GRID1: variants seen among roughly 807,000 people sequenced by gnomAD.
GRID1 encodes the protein glutamate ionotropic receptor delta type subunit 1.
In GRID1, 28 loss-of-function variants were observed where a neutral mutation model predicts 98.0. The ratio of observed to expected loss-of-function variants is 0.29; its 90% CI spans 0.21 to 0.39. The LOEUF is 0.39. Ranked by LOEUF, GRID1 falls within the 10% of genes least tolerant of loss-of-function variation. GRID1 has a pLI of 1.00. For missense variants in GRID1, 1,111 were observed against 1,340.5 expected (o/e 0.83, Z 2.67); for synonymous variants, 553 against 538.5 (o/e 1.03, Z -0.37).
At chr10:86,221,667 A>G (rs2132029693) in intron 2 of GRID1, among the ~76,000 whole-genome samples, 1 of 152,256 alleles carries the variant, frequency 6.6e-6, no homozygotes, top group East Asian at 1.9e-4. Context: ...ACCCTCCAGG[A>G]ATGGCCCGCT....
At chr10:86,016,982 C>T (rs1392793076) in intron 4 of GRID1, among the ~76,000 whole-genome samples, 1 of 152,204 alleles carries the variant, frequency 6.6e-6, no homozygotes, top group African/African-American at 2.4e-5. Flanking sequence ...TTACTGAGTG[C>T]TGTTGTGTGC....
intron 3 of GRID1, among the ~76,000 whole-genome samples, chr10:86,142,690 C>T (rs1051079421): frequency 3.3e-5 from 5 of 152,214 alleles, no homozygotes; most frequent in East Asian, 1.9e-4. Flanking sequence ...CCTTTCTGCA[C>T]GTTTACATAA....
intron 2 of GRID1, among the ~76,000 whole-genome samples, chr10:86,275,715 T>G (rs1186995187): frequency 6.6e-6 from 1 of 151,974 alleles, no homozygotes; most frequent in Non-Finnish European, 1.5e-5. Context: ...CAACTGAAAT[T>G]ATCAAGTCTG....
At chr10:86,049,285 G>C (rs1564659433) in intron 4 of GRID1, among the ~76,000 whole-genome samples, 1 of 152,232 alleles carries the variant, frequency 6.6e-6, no homozygotes, top group African/African-American at 2.4e-5. Flanking sequence ...TTGATTAGAT[G>C]AGTGGGATGG....
chr10:85,963,748 T>C (rs1053585696), intron 4 of GRID1, among the ~76,000 whole-genome samples: 1 of 152,248 alleles, frequency 6.6e-6, no homozygotes, highest in African/African-American at 2.4e-5. Context: ...TCCTTCTATG[T>C]GTGTAACATT....
At chr10:85,871,962 T>C (rs1843282193) in intron 5 of GRID1, among the ~76,000 whole-genome samples, 1 of 152,206 alleles carries the variant, frequency 6.6e-6, no homozygotes, top group Non-Finnish European at 1.5e-5. Flanking sequence ...ATGATTTTAT[T>C]AGATTGGAAC....
intron 3 of GRID1, among the ~76,000 whole-genome samples, chr10:86,176,086 G>A (rs1220890304): frequency 2.6e-5 from 4 of 152,300 alleles, no homozygotes; most frequent in Admixed American, 6.5e-5. Context: ...ATTGTGATCC[G>A]CCTGCCTCAG....
At chr10:85,607,805 T>C (rs116841464) in intron 15 of GRID1, among the ~76,000 whole-genome samples, 6,443 of 147,694 alleles carry the variant, frequency 0.044, 234 homozygotes, top group East Asian at 0.17. Context: ...TCTTTCCTTT[T>C]CCTTTTTTTT....
Position 85,647,199 on chromosome 10 carries a change from T to C in GRID1, c.2193+3A>G, listed in dbSNP as rs1259430623. On this transcript the variant is annotated splice_donor_region_variant and intron_variant, in intron 13 of 15. Transcript: ENST00000327946. ...ACGTGCCCAAGCGCCAGCTCCTGCC[T>C]ACCTTCCTGATGCCTTCTGAAGGAC... 15 of 1,613,532 alleles carry C rather than the reference T, an allele frequency of 9.3e-6. No homozygotes were observed. Among genetic ancestry groups the C allele is most frequent in the Non-Finnish European group, 1.3e-5 (15 of 1,179,536 alleles).
chr10:85,957,528 C>T (rs1842210609), intron 4 of GRID1, among the ~76,000 whole-genome samples: 1 of 152,154 alleles, frequency 6.6e-6, no homozygotes, highest in Admixed American at 6.5e-5. Flanking sequence ...CCAGACTACA[C>T]ATAAGGGCAA....
chr10:86,034,373 C>G (rs1172291389), intron 4 of GRID1, among the ~76,000 whole-genome samples: 1 of 152,070 alleles, frequency 6.6e-6, no homozygotes, highest in African/African-American at 2.4e-5. Context: ...ATTTACCCAC[C>G]AGCTGCTAAT....
At chr10:85,893,456 A>T (rs1336003642) in intron 5 of GRID1, among the ~76,000 whole-genome samples, 1 of 152,164 alleles carries the variant, frequency 6.6e-6, no homozygotes, top group African/African-American at 2.4e-5. Context: ...ATATTCAGGG[A>T]TGGCATGATA....
At chr10:85,824,541 C>T (rs1023583691) in intron 8 of GRID1, among the ~76,000 whole-genome samples, 16 of 152,120 alleles carry the variant, frequency 1.1e-4, no homozygotes, top group African/African-American at 3.9e-4. Flanking sequence ...TTCATTTTTT[C>T]ACATTTTTGA....
intron 3 of GRID1, among the ~76,000 whole-genome samples, chr10:86,139,788 C>A (rs1844985260): frequency 1.3e-5 from 2 of 152,116 alleles, no homozygotes; most frequent in African/African-American, 4.8e-5. Context: ...TCGGCACAAA[C>A]CACCCAGGGA....
At chr10:85,810,754 T>A (rs1590242421) in intron 8 of GRID1, among the ~76,000 whole-genome samples, 1 of 152,132 alleles carries the variant, frequency 6.6e-6, no homozygotes. Flanking sequence ...GGCAGACATA[T>A]GCCTGAACTG....
intron 4 of GRID1, among the ~76,000 whole-genome samples, chr10:85,957,498 C>A (rs902376920): frequency 9.2e-5 from 14 of 151,766 alleles, no homozygotes; most frequent in African/African-American, 3.4e-4. Flanking sequence ...CCTTTGGCTT[C>A]TGTAAATGGG....
chr10:85,956,112 C>A (rs1842185782), intron 4 of GRID1, among the ~76,000 whole-genome samples: 1 of 152,196 alleles, frequency 6.6e-6, no homozygotes, highest in African/African-American at 2.4e-5. Context: ...CACTGGGCAG[C>A]CTCTTTCTTT....
chr10:85,785,363 G>A (rs1842418402), intron 8 of GRID1, among the ~76,000 whole-genome samples: 1 of 152,180 alleles, frequency 6.6e-6, no homozygotes, highest in Non-Finnish European at 1.5e-5. Flanking sequence ...TCAGAGCAAA[G>A]CAGAGGAAAC....
intron 3 of GRID1, among the ~76,000 whole-genome samples, chr10:86,187,776 T>C (rs1845746981): frequency 6.6e-6 from 1 of 152,216 alleles, no homozygotes; most frequent in South Asian, 2.1e-4. Flanking sequence ...CTCATTTCCA[T>C]AAGGCAGCTA....
Sources: gnomAD v4.1 joint callset for allele counts (sites outside exome capture counted in the v4.1 genomes callset) on GRCh38, gnomAD v4.1.1 for gene constraint, MANE v1.5 for transcripts, NCBI Gene and HGNC (gene_info 2026-07-23, HGNC 2026-07-21) for gene names.